Variants in NGEF observed in about 807,000 individuals in gnomAD.
The protein encoded by NGEF is ephexin-1.
A neutral mutation model predicts 80.9 loss-of-function variants in NGEF; 31 were observed. That is an observed-to-expected ratio of 0.38 (90% CI 0.29 to 0.52). The LOEUF is 0.52. Among genes scored for constraint, NGEF ranks in the 20% least tolerant of loss-of-function variants. The probability of loss-of-function intolerance (pLI) is 0.84; values close to 1 mark genes in which losing one functional copy is unlikely to be tolerated. For missense variants in NGEF, 709 were observed against 926.2 expected, an observed-to-expected ratio of 0.77 and a Z score of 3.04; for synonymous variants, 371 against 370.2, an observed-to-expected ratio of 1.00 and a Z score of -0.03.
intron 3 of NGEF, among the ~76,000 whole-genome samples, chr2:232,958,520 G>A (rs998538343): frequency 2.6e-5 from 4 of 152,090 alleles, no homozygotes; most frequent in East Asian, 1.9e-4. Flanking sequence ...CTGGTGTGTT[G>A]CACTGTGCCA....
At chr2:232,923,667 G>A (rs971791433) in intron 4 of NGEF, among the ~76,000 whole-genome samples, 4 of 152,078 alleles carry the variant, frequency 2.6e-5, no homozygotes, top group African/African-American at 9.7e-5. Context: ...CCCAGGGGGT[G>A]GAGGTTGCAA....
chr2:232,965,034 T>C (rs1373734383), intron 3 of NGEF, among the ~76,000 whole-genome samples: 1 of 152,268 alleles, frequency 6.6e-6, no homozygotes, highest in East Asian at 1.9e-4. Context: ...TAATGTAAGA[T>C]GACCTTCAAT....
chr2:232,906,558 C>CGGGA (rs1692553472), intron 5 of NGEF, among the ~76,000 whole-genome samples: 11 of 51,596 alleles, frequency 2.1e-4, no homozygotes, highest in African/African-American at 3.8e-4. Context: ...CCGCCCCGTC[C>CGGGA]GGGAGGTGAG....
At chr2:232,925,842 C>T (rs1693052959) in intron 4 of NGEF, among the ~76,000 whole-genome samples, 2 of 152,204 alleles carry the variant, frequency 1.3e-5, no homozygotes, top group African/African-American at 4.8e-5. Flanking sequence ...AGCCCCTCTC[C>T]ATTCCCTCAG....
rs751786295 is a variant in NGEF at position 232,964,419 on chromosome 2, G to T, written c.383+5795C>A. On this transcript the variant is annotated intron_variant, in intron 3 of 14. Transcript: ENST00000264051. The stretch of plus-strand genomic sequence containing the variant: ...TAAAAAAGAATAATTTGGGCCGGGC[G>T]CGGTGGCTCGCACCTGTAATCCCAA... Among the ~76,000 whole-genome samples, 4 of 152,316 alleles carry T rather than the reference G, an allele frequency of 2.6e-5. No homozygotes were observed. The South Asian group carries it at 8.3e-4, about 32-fold the overall frequency.
chr2:232,970,050 TA>T (rs113689648), intron 3 of NGEF, 163 bp downstream of exon 3: 178 of 412,090 alleles, frequency 4.3e-4, no homozygotes, highest in Non-Finnish European at 6.7e-4. Context: ...AAGTTTTTTT[TA>T]AATTATGGAG....
chr2:233,007,261 A>C (rs568309141), intron 1 of NGEF, among the ~76,000 whole-genome samples: 1 of 152,266 alleles, frequency 6.6e-6, no homozygotes, highest in South Asian at 2.1e-4. Flanking sequence ...TAAATAAATA[A>C]ATACAATTCT....
chr2:232,887,929 A>G (rs2250665), intron 9 of NGEF, 104 bp downstream of exon 9: 1 of 874,874 alleles, frequency 1.1e-6, no homozygotes, highest in South Asian at 1.4e-5. Flanking sequence ...AAATTTGCAT[A>G]TTCTAAAAAG....
At chr2:233,003,884 T>A (rs1412346290) in intron 1 of NGEF, among the ~76,000 whole-genome samples, 1 of 152,208 alleles carries the variant, frequency 6.6e-6, no homozygotes, top group Non-Finnish European at 1.5e-5. Context: ...GTTGTGCCCC[T>A]GGCCCGAGCT....
chr2:232,990,726 G>A, intron 1 of NGEF, among the ~76,000 whole-genome samples: 1 of 151,910 alleles, frequency 6.6e-6, no homozygotes, highest in East Asian at 1.9e-4. Context: ...TATAGAAGAG[G>A]CCTCACAAAC....
At chr2:232,886,124 T>G (rs1320451105) in intron 9 of NGEF, among the ~76,000 whole-genome samples, 1 of 23,952 alleles carries the variant, frequency 4.2e-5, no homozygotes, top group African/African-American at 1.9e-4. Context: ...GTGTGTGCTG[T>G]GTATATGCAG....
chr2:232,975,085 T>C, intron 1 of NGEF, 121 bp from the exon 2 acceptor site: 1 of 584,052 alleles, frequency 1.7e-6, no homozygotes. Flanking sequence ...CATCCTGGTA[T>C]CCACGTCTTC....
intron 3 of NGEF, among the ~76,000 whole-genome samples, chr2:232,940,394 G>A (rs575121360): frequency 7.9e-5 from 12 of 152,222 alleles, no homozygotes; most frequent in African/African-American, 2.2e-4. Flanking sequence ...CCCTGGGGGC[G>A]GGAGTGTGAA....
chr2:232,919,811 G>A (rs1157841994), intron 5 of NGEF, among the ~76,000 whole-genome samples: 2 of 152,140 alleles, frequency 1.3e-5, no homozygotes, highest in African/African-American at 2.4e-5. Flanking sequence ...CAAGCTGAGG[G>A]ACTTCCTTCA....
intron 1 of NGEF, among the ~76,000 whole-genome samples, chr2:232,997,016 A>G (rs960238884): frequency 1.1e-4 from 16 of 152,276 alleles, no homozygotes; most frequent in Middle Eastern, 3.4e-3. Context: ...TGGAACTAGA[A>G]TCATTCTGAA....
chr2:232,997,133 C>T (rs542805165), intron 1 of NGEF, among the ~76,000 whole-genome samples: 26 of 126,102 alleles, frequency 2.1e-4, no homozygotes, highest in Admixed American at 1.1e-3. Flanking sequence ...GTTCTCACTC[C>T]GGCACTGGCC....
intron 5 of NGEF, among the ~76,000 whole-genome samples, chr2:232,905,292 C>T (rs1370938241): frequency 6.6e-6 from 1 of 152,218 alleles, no homozygotes; most frequent in Non-Finnish European, 1.5e-5. Flanking sequence ...TTGGTGGAAA[C>T]GGGGTTTCGC....
chr2:232,907,161 AAAAAAAAAAAAAGAAAAGAAAAAAAAG>A (rs1316410468), intron 5 of NGEF, among the ~76,000 whole-genome samples: 1 of 130,706 alleles, frequency 7.7e-6, no homozygotes, highest in East Asian at 2.2e-4. Flanking sequence ...TGATCAATTA[AAAAAAAAAAAAAGAAAAGAAAAAAAAG>A]AAAAAAAAAA....
chr2:232,970,643 C>T (rs890640038), intron 2 of NGEF, among the ~76,000 whole-genome samples: 7 of 151,930 alleles, frequency 4.6e-5, no homozygotes, highest in African/African-American at 9.7e-5. Flanking sequence ...GGTGAAACCC[C>T]GTCTCTACTA....
Sources: allele counts gnomAD v4.1 joint callset (sites outside exome capture counted in the v4.1 genomes callset), GRCh38; gene constraint gnomAD v4.1.1; transcripts MANE v1.5; gene names NCBI Gene and HGNC (gene_info 2026-07-23, HGNC 2026-07-21).